DAAM1: variants seen among roughly 807,000 people sequenced by gnomAD.
The protein encoded by DAAM1 is dishevelled associated activator of morphogenesis 1, also known as disheveled-associated activator of morphogenesis 1.
A neutral mutation model predicts 130.0 loss-of-function variants in DAAM1; 52 were observed. That is an observed-to-expected ratio of 0.40 (90% CI 0.32 to 0.50). DAAM1 has a LOEUF of 0.50. DAAM1 is among the 20% of genes least tolerant of loss of function. The pLI is 0.61. For synonymous variants in DAAM1, 452 were observed against 444.5 expected, an observed-to-expected ratio of 1.02 and a Z score of -0.21; for missense variants, 1,134 against 1,303.8, an observed-to-expected ratio of 0.87 and a Z score of 2.01.
At chr14:59,362,375 A>C (rs980653139) in intron 22 of DAAM1, 1 of 152,176 alleles carries the variant, frequency 6.6e-6, no homozygotes, top group African/African-American at 2.4e-5. Context: ...GGCCAAATAT[A>C]TATGTGTTCT....
intron 19 of DAAM1, among the ~76,000 whole-genome samples, chr14:59,354,416 G>C (rs534028525): frequency 6.6e-6 from 1 of 152,144 alleles, no homozygotes; most frequent in African/African-American, 2.4e-5. Flanking sequence ...ATTCTGAGGG[G>C]TGATTACTTA....
At chr14:59,299,683 G>T (rs1383550717) in intron 3 of DAAM1, 3 of 152,180 alleles carry the variant, frequency 2.0e-5, no homozygotes, top group Admixed American at 2.0e-4. Context: ...AAGAGACTGA[G>T]AAAGTCACTA....
chr14:59,338,133 A>G (rs763111760), intron 15 of DAAM1, among the ~76,000 whole-genome samples: 2 of 152,036 alleles, frequency 1.3e-5, no homozygotes, highest in Non-Finnish European at 2.9e-5. Flanking sequence ...TTGATTTTCC[A>G]CCATTGAAAA....
intron 5 of DAAM1, among the ~76,000 whole-genome samples, chr14:59,322,561 C>T (rs1028068301): frequency 9.2e-5 from 14 of 151,646 alleles, no homozygotes; most frequent in Admixed American, 2.6e-4. Flanking sequence ...AACACAGGAA[C>T]AGCAGATGGT....
chr14:59,237,634 T>C (rs1889343539), intron 1 of DAAM1, among the ~76,000 whole-genome samples: 3 of 152,142 alleles, frequency 2.0e-5, no homozygotes, highest in Admixed American at 6.5e-5. Context: ...TTATAAAATA[T>C]TTTGTGCCAG....
chr14:59,276,956 T>A (rs1327039599), intron 2 of DAAM1, among the ~76,000 whole-genome samples: 1 of 152,192 alleles, frequency 6.6e-6, no homozygotes, highest in African/African-American at 2.4e-5. Flanking sequence ...TAAATATATA[T>A]TTGTATGTAT....
chr14:59,363,458 G>A, intron 22 of DAAM1, 193 bp from the exon 23 acceptor site: 2 of 637,600 alleles, frequency 3.1e-6, no homozygotes, highest in South Asian at 2.1e-5. Context: ...ATATGCGTGT[G>A]CACATGGGCA....
At chr14:59,220,001 T>C (rs1888719777) in intron 1 of DAAM1, among the ~76,000 whole-genome samples, 1 of 152,230 alleles carries the variant, frequency 6.6e-6, no homozygotes, top group Non-Finnish European at 1.5e-5. Context: ...GATGTAGCTA[T>C]TGGTTTCGAA....
At position 59,324,370 on chromosome 14, in the gene DAAM1, T is replaced by G; in HGVS notation, c.905T>G (p.Leu302Arg). ...GAGVESLDFR[L>R]HLRYEFLMLG... ...TTTCAGGAGAGTTTGGACTTTAGAC[T>G]TCATCTTCGCTATGAATTTCTGATG... is the stretch of plus-strand genomic sequence containing the variant. Residue 302 changes from leucine (L) to arginine (R), a missense_variant, in exon 8 of 25, where the codon CTT becomes CGT. By Grantham distance (102) the Leu-to-Arg change is moderately radical. This residue lies in a region of DAAM1 where 391 missense variants were observed against 521.6 expected (regional missense o/e 0.75). Coordinates refer to ENST00000360909, the MANE Select transcript of DAAM1 (RefSeq NM_001270520.2). 6.3e-7 allele frequency: 1 copy of G among 1,593,360 alleles called. No homozygotes were observed. Among genetic ancestry groups the G allele is most frequent in the Non-Finnish European group, 8.6e-7 (1 of 1,169,490 alleles).
chr14:59,292,113 G>T (rs1319068896), intron 3 of DAAM1, among the ~76,000 whole-genome samples: 2 of 152,026 alleles, frequency 1.3e-5, no homozygotes, highest in Non-Finnish European at 1.5e-5. Flanking sequence ...CCATTTTGGG[G>T]ACTCCTTCTG....
intron 1 of DAAM1, among the ~76,000 whole-genome samples, chr14:59,203,048 G>C (rs1247461129): frequency 1.3e-5 from 2 of 150,838 alleles, no homozygotes; most frequent in Non-Finnish European, 2.9e-5. Flanking sequence ...CTGGAGTGCA[G>C]TGATTCGATC....
chr14:59,191,984 TG>T (rs1421729535), intron 1 of DAAM1, among the ~76,000 whole-genome samples: 1 of 152,200 alleles, frequency 6.6e-6, no homozygotes, highest in Non-Finnish European at 1.5e-5. Context: ...TCTGATTCTG[TG>T]GGTTTTCAGG....
chr14:59,330,114 A>T (rs1885365801), intron 12 of DAAM1, among the ~76,000 whole-genome samples: 1 of 152,230 alleles, frequency 6.6e-6, no homozygotes, highest in Non-Finnish European at 1.5e-5. Flanking sequence ...CTAATTTGTG[A>T]AAAGAGGCCA....
chr14:59,214,269 A>T (rs1010377131), intron 1 of DAAM1, among the ~76,000 whole-genome samples: 41 of 152,198 alleles, frequency 2.7e-4, no homozygotes, highest in African/African-American at 8.7e-4. Flanking sequence ...CGTTGGTTTA[A>T]GTTCATGTGG....
At chr14:59,189,362 C>T (rs1182823291) in intron 1 of DAAM1, among the ~76,000 whole-genome samples, 2 of 152,200 alleles carry the variant, frequency 1.3e-5, no homozygotes, top group African/African-American at 2.4e-5. Context: ...CTAAGTTGGA[C>T]CTAAATGTTT....
chr14:59,277,986 T>C (rs1273006005), intron 2 of DAAM1, among the ~76,000 whole-genome samples: 3 of 152,176 alleles, frequency 2.0e-5, no homozygotes, highest in East Asian at 1.9e-4. Context: ...TATGTTTTTT[T>C]CCTATACATA....
At chr14:59,253,268 G>C (rs1881727350) in intron 1 of DAAM1, among the ~76,000 whole-genome samples, 1 of 152,204 alleles carries the variant, frequency 6.6e-6, no homozygotes, top group South Asian at 2.1e-4. Flanking sequence ...ATTTGAACTT[G>C]TGTTGCAATT....
At chr14:59,353,207 A>G (rs953662763) in intron 18 of DAAM1, among the ~76,000 whole-genome samples, 5 of 152,198 alleles carry the variant, frequency 3.3e-5, no homozygotes, top group Non-Finnish European at 5.9e-5. Context: ...TGGGTTTGGC[A>G]TATGAGCTAA....
intron 2 of DAAM1, among the ~76,000 whole-genome samples, chr14:59,285,105 G>A (rs1594799635): frequency 2.0e-5 from 3 of 152,232 alleles, no homozygotes; most frequent in African/African-American, 7.2e-5. Flanking sequence ...GCTAACAGTG[G>A]ACCTTTCGGC....
Sources: gnomAD v4.1 joint callset for allele counts (sites outside exome capture counted in the v4.1 genomes callset) on GRCh38, gnomAD v4.1.1 for gene constraint, gnomAD v4.1.1 regional missense constraint, MANE v1.5 for transcripts, NCBI Gene and HGNC (gene_info 2026-07-23, HGNC 2026-07-21) for gene names.